NRXN1: variants seen among roughly 807,000 people sequenced by gnomAD.
NRXN1 encodes neurexin-1.
Under a neutral mutation model 150.9 loss-of-function variants are expected in NRXN1, and 39 were observed. The observed-to-expected ratio is 0.26, with a 90% CI of 0.20 to 0.34. The LOEUF (loss-of-function observed/expected upper bound fraction) is 0.34, where lower values mean the gene tolerates loss of function less well. NRXN1 is among the 10% of genes least tolerant of loss of function. NRXN1 has a pLI of 1.00. For missense variants in NRXN1, 1,815 were observed against 1,949.9 expected (o/e 0.93, Z 1.30); for synonymous variants, 924 against 757.0 (o/e 1.22, Z -3.62).
chr2:50,293,533 T>G (rs2073199085), intron 17 of NRXN1, among the ~76,000 whole-genome samples: 1 of 152,138 alleles, frequency 6.6e-6, no homozygotes, highest in Admixed American at 6.6e-5. Flanking sequence ...AATTCAATAC[T>G]GCTTCGTAGA....
intron 5 of NRXN1, among the ~76,000 whole-genome samples, chr2:50,655,235 A>G (rs536625878): frequency 4.7e-5 from 7 of 150,064 alleles, no homozygotes; most frequent in Middle Eastern, 6.9e-3. Flanking sequence ...TTCCATCTGT[A>G]TCTTTCATAT....
intron 2 of NRXN1, among the ~76,000 whole-genome samples, chr2:50,969,524 A>G (rs890947344): frequency 4.6e-5 from 7 of 152,182 alleles, no homozygotes; most frequent in African/African-American, 1.7e-4. Flanking sequence ...CTTTCAGGAA[A>G]GATTTGTACT....
In NRXN1 at chr2:50,627,200, G is replaced by T. The variant is rs116312478; in HGVS notation, c.833-3585C>A. 5.4e-3 allele frequency among the ~76,000 whole-genome samples: 818 copies of T among 151,840 alleles called. 6 individuals are homozygous for T. Among genetic ancestry groups the T allele is most frequent in the African/African-American group, 0.019 (796 of 41,486 alleles). ...CTTTTGGCATTATGCAATCCCATGG[G>T]AATTTCACATATTACAAAGAACTTG... is the stretch of plus-strand genomic sequence containing the variant. On this transcript the variant is annotated intron_variant, in intron 5 of 22. Coordinates refer to ENST00000401669, the MANE Select transcript of NRXN1 (RefSeq NM_001330078.2).
At chr2:50,118,453 C>T (rs1463994459) in intron 18 of NRXN1, among the ~76,000 whole-genome samples, 2 of 149,206 alleles carry the variant, frequency 1.3e-5, no homozygotes, top group Admixed American at 6.7e-5. Flanking sequence ...TAAGTGTTTT[C>T]TTTTTTTTTT....
chr2:50,319,934 A>G (rs1204688271), intron 17 of NRXN1, among the ~76,000 whole-genome samples: 1 of 151,994 alleles, frequency 6.6e-6, no homozygotes, highest in Non-Finnish European at 1.5e-5. Context: ...TAGAAATAGG[A>G]CATGCTCACT....
chr2:50,127,481 G>A (rs891968937), intron 18 of NRXN1, among the ~76,000 whole-genome samples: 11 of 152,044 alleles, frequency 7.2e-5, no homozygotes, highest in African/African-American at 2.7e-4. Context: ...TTGCTTAGCT[G>A]TTAGAGTTCC....
At chr2:49,991,209 A>T (rs893296232) in intron 21 of NRXN1, among the ~76,000 whole-genome samples, 1 of 152,160 alleles carries the variant, frequency 6.6e-6, no homozygotes, top group African/African-American at 2.4e-5. Flanking sequence ...CTGTTTCAAC[A>T]TCATATGGGA....
At chr2:50,334,017 G>C (rs1455361096) in intron 17 of NRXN1, among the ~76,000 whole-genome samples, 2 of 151,754 alleles carry the variant, frequency 1.3e-5, no homozygotes, top group Admixed American at 1.3e-4. Context: ...GAAGGATGGA[G>C]CCCTGCCCTG....
chr2:50,104,449 A>G (rs1384965091), intron 18 of NRXN1, among the ~76,000 whole-genome samples: 3 of 152,034 alleles, frequency 2.0e-5, no homozygotes, highest in Non-Finnish European at 4.4e-5. Context: ...TCTAAGGCCA[A>G]GTGGAAACCA....
chr2:50,118,276 T>C (rs982226115), intron 18 of NRXN1, among the ~76,000 whole-genome samples: 1 of 152,142 alleles, frequency 6.6e-6, no homozygotes, highest in African/African-American at 2.4e-5. Context: ...AGAGTCTGCA[T>C]TCCTCACAAG....
chr2:50,553,035 G>C lies in NRXN1; in HGVS notation c.1321-10C>G, dbSNP rs1394329724. 6.4e-7 allele frequency: 1 copy of C among 1,571,810 alleles called. No homozygotes were observed. Among genetic ancestry groups the C allele is most frequent in the Non-Finnish European group, 8.6e-7 (1 of 1,158,774 alleles). On this transcript the variant is annotated splice_polypyrimidine_tract_variant and intron_variant, in intron 8 of 22. Transcript: ENST00000401669. The stretch of plus-strand genomic sequence containing the variant: ...TATTTTTATATACAACCTGTGGGCA[G>C]AGGATAGCAGTGAGAAACTAGCCTC...
At chr2:50,392,382 T>C (rs2081774384) in intron 17 of NRXN1, among the ~76,000 whole-genome samples, 1 of 152,144 alleles carries the variant, frequency 6.6e-6, no homozygotes, top group Admixed American at 6.5e-5. Flanking sequence ...CATTTTACTA[T>C]ACTAGCGTTT....
chr2:50,255,732 T>C (rs1161495871), intron 17 of NRXN1, among the ~76,000 whole-genome samples: 3 of 152,190 alleles, frequency 2.0e-5, no homozygotes, highest in South Asian at 2.1e-4. Context: ...AAATGGGTTA[T>C]TGTATTCAAA....
intron 18 of NRXN1, among the ~76,000 whole-genome samples, chr2:50,165,050 G>A (rs1415695078): frequency 6.6e-6 from 1 of 152,066 alleles, no homozygotes; most frequent in Non-Finnish European, 1.5e-5. Context: ...ATCCTAGGGT[G>A]AAAGAACCTA....
chr2:50,425,980 G>C (rs1396246028), intron 17 of NRXN1, among the ~76,000 whole-genome samples: 1 of 152,140 alleles, frequency 6.6e-6, no homozygotes, highest in Non-Finnish European at 1.5e-5. Context: ...CCCAACCTCT[G>C]TGTGCATCTA....
intron 15 of NRXN1, among the ~76,000 whole-genome samples, chr2:50,495,310 T>C (rs924335804): frequency 3.3e-5 from 5 of 151,554 alleles, no homozygotes; most frequent in African/African-American, 1.2e-4. Flanking sequence ...AAGCGTATGT[T>C]AAGACTTTCT....
chr2:50,805,424 G>A (rs528096939), intron 5 of NRXN1, among the ~76,000 whole-genome samples: 8 of 152,142 alleles, frequency 5.3e-5, no homozygotes, highest in Admixed American at 1.3e-4. Flanking sequence ...GGAGGCCGAG[G>A]TGGGCAGATC....
rs201412676 is a variant in NRXN1, at chr2:50,521,711, C to T, written c.2374+6914G>A. 5.3e-5 allele frequency among the ~76,000 whole-genome samples: 8 copies of T among 152,246 alleles called. No homozygotes were observed. In the East Asian group the frequency reaches 1.4e-3, roughly 26 times the overall value. ...GGGTATTTTATAGCTAAACTGAAAA[C>T]AATTTTCAGTCAGACAACATATAGA... On this transcript the variant is annotated intron_variant, in intron 12 of 22. Coordinates refer to ENST00000401669, the MANE Select transcript of NRXN1 (RefSeq NM_001330078.2).
chr2:50,761,111 C>T (rs1273439155), intron 5 of NRXN1, among the ~76,000 whole-genome samples: 1 of 151,984 alleles, frequency 6.6e-6, no homozygotes, highest in East Asian at 1.9e-4. Flanking sequence ...TCAAACTTCC[C>T]AACAAGGTTG....
Sources: allele counts gnomAD v4.1 joint callset (sites outside exome capture counted in the v4.1 genomes callset), GRCh38; gene constraint gnomAD v4.1.1; transcripts MANE v1.5; gene names NCBI Gene and HGNC (gene_info 2026-07-23, HGNC 2026-07-21).